PRKN: variants seen among roughly 807,000 people sequenced by gnomAD.
The protein encoded by PRKN is parkin RBR E3 ubiquitin protein ligase.
A neutral mutation model predicts 59.5 loss-of-function variants in PRKN; 56 were observed. The observed-to-expected ratio is 0.94, with a 90% CI of 0.76 to 1.18. PRKN has a LOEUF of 1.18. PRKN is among the 50% of genes most tolerant of loss of function. The pLI is 0.00. For missense variants in PRKN, 657 were observed against 596.4 expected, an observed-to-expected ratio of 1.10 and a Z score of -1.06; for synonymous variants, 250 against 222.1, an observed-to-expected ratio of 1.13 and a Z score of -1.12.
At chr6:162,283,492 TG>T (rs1039916242) in intron 2 of PRKN, among the ~76,000 whole-genome samples, 1 of 152,186 alleles carries the variant, frequency 6.6e-6, no homozygotes, top group Non-Finnish European at 1.5e-5. Flanking sequence ...ATGAGTTTTT[TG>T]TAACTATCTC....
chr6:162,271,820 A>C (rs755304648), intron 2 of PRKN, among the ~76,000 whole-genome samples: 7 of 152,206 alleles, frequency 4.6e-5, no homozygotes, highest in Non-Finnish European at 7.3e-5. Context: ...TTCATTTAAA[A>C]AAAGGGGGAC....
intron 7 of PRKN, among the ~76,000 whole-genome samples, chr6:161,573,712 T>C (rs1158262813): frequency 2.4e-5 from 2 of 81,734 alleles, no homozygotes; most frequent in African/African-American, 4.7e-5. Context: ...AGAGCGAGAC[T>C]CCGTCTCAAA....
intron 6 of PRKN, among the ~76,000 whole-genome samples, chr6:161,833,061 A>C (rs1328382453): frequency 6.6e-6 from 1 of 152,182 alleles, no homozygotes; most frequent in Non-Finnish European, 1.5e-5. Context: ...AAGGTCACAT[A>C]CAATTAGTTC....
chr6:161,555,802 A>T (rs1780215831), intron 8 of PRKN, among the ~76,000 whole-genome samples: 2 of 152,188 alleles, frequency 1.3e-5, no homozygotes, highest in Admixed American at 1.3e-4. Flanking sequence ...TAGTTTGTGG[A>T]CAGTAAATAA....
chr6:161,652,940 A>G (rs1784202856), intron 7 of PRKN, among the ~76,000 whole-genome samples: 2 of 152,224 alleles, frequency 1.3e-5, no homozygotes, highest in African/African-American at 4.8e-5. Flanking sequence ...GATGGCATTA[A>G]ACCCAAACAT....
In PRKN at chr6:161,381,270, G is replaced by C. The variant is rs377697943; in HGVS notation, c.1167+5524C>G. Reference sequence around the variant, plus strand: ...AGTGACCAGTAAGAACAATGGAAGCGCATTTCTGCTTCACTGGGACTGGAG... The same window carrying C: ...AGTGACCAGTAAGAACAATGGAAGCCCATTTCTGCTTCACTGGGACTGGAG... On this transcript the variant is annotated intron_variant, in intron 10 of 11. Transcript: ENST00000366898. Among the ~76,000 whole-genome samples the C allele has an allele frequency of 4.3e-4, 65 of 152,216 alleles. No homozygotes were observed. In the South Asian group the frequency reaches 7.3e-3, roughly 17 times the overall value.
At chr6:162,727,381 A>C in intron 1 of PRKN, 1 of 459,762 alleles carries the variant, frequency 2.2e-6, no homozygotes, top group East Asian at 4.1e-5. Flanking sequence ...GCGAACGAGG[A>C]GCGGGGGTGC....
At chr6:161,780,679 G>T (rs1790165803) in intron 7 of PRKN, among the ~76,000 whole-genome samples, 1 of 151,970 alleles carries the variant, frequency 6.6e-6, no homozygotes, top group African/African-American at 2.4e-5. Context: ...TGAGAAAACG[G>T]CAACACTGAC....
At chr6:161,913,170 G>GAAAAAAAAAAAAAAAAAAA (rs762633376) in intron 6 of PRKN, among the ~76,000 whole-genome samples, 2 of 86,626 alleles carry the variant, frequency 2.3e-5, no homozygotes, top group Non-Finnish European at 4.4e-5. Context: ...TCCATCTCAG[G>GAAAAAAAAAAAAAAAAAAA]AAAAAAAAAA....
In PRKN at chr6:162,065,554, C is replaced by CTT. The variant is rs76912779; in HGVS notation, c.535-11382_535-11381dup. Among the ~76,000 whole-genome samples the CTT allele has an allele frequency of 6.2e-3, 885 of 142,902 alleles. 8 individuals carry two copies. The highest frequency in any genetic ancestry group is 0.021 in the African/African-American group (832 of 39,158). The allele number at this position is 142,902 out of a possible 152,430, so 93.7% of individuals were successfully genotyped here. A position where few individuals can be genotyped will look rare whatever the true frequency, so the allele number is the denominator to read the frequency against. ...GCCTTGAAACAATTCTTTTCTTTTTCTTTTTTTTTTTTGGTCAATTTTTAA... is the reference window on the plus strand; with the variant it reads ...GCCTTGAAACAATTCTTTTCTTTTTCTTTTTTTTTTTTTTGGTCAATTTTTAA... On this transcript the variant is annotated intron_variant, in intron 4 of 11. Coordinates refer to ENST00000366898, the MANE Select transcript of PRKN (RefSeq NM_004562.3).
chr6:162,113,841 G>A (rs1209331149), intron 4 of PRKN, among the ~76,000 whole-genome samples: 3 of 152,076 alleles, frequency 2.0e-5, no homozygotes, highest in African/African-American at 7.2e-5. Flanking sequence ...GGTTTTTATG[G>A]TTTTAGGTCT....
chr6:161,637,018 C>T (rs1171934911), intron 7 of PRKN, among the ~76,000 whole-genome samples: 1 of 152,210 alleles, frequency 6.6e-6, no homozygotes, highest in Non-Finnish European at 1.5e-5. Context: ...AATGTATCAG[C>T]CACTGCAGCT....
chr6:162,197,952 T>A (rs1784559744), intron 4 of PRKN, among the ~76,000 whole-genome samples: 1 of 152,150 alleles, frequency 6.6e-6, no homozygotes, highest in South Asian at 2.1e-4. Flanking sequence ...AGTTATCTGA[T>A]CTTATAACAA....
intron 1 of PRKN, among the ~76,000 whole-genome samples, chr6:162,697,404 A>G (rs1487308474): frequency 6.6e-6 from 1 of 152,228 alleles, no homozygotes; most frequent in Non-Finnish European, 1.5e-5. Flanking sequence ...TGTAGCCTCA[A>G]TAAACACAAA....
At chr6:161,951,081 G>C (rs1779973751) in intron 6 of PRKN, among the ~76,000 whole-genome samples, 1 of 151,328 alleles carries the variant, frequency 6.6e-6, no homozygotes, top group Non-Finnish European at 1.5e-5. Flanking sequence ...AAAGTTTTGG[G>C]GCAATTTCAA....
At chr6:162,531,442 G>A (rs1778510742) in intron 1 of PRKN, among the ~76,000 whole-genome samples, 1 of 152,118 alleles carries the variant, frequency 6.6e-6, no homozygotes, top group South Asian at 2.1e-4. Flanking sequence ...AAGCATTCAG[G>A]GAGCAGAGTG....
intron 2 of PRKN, among the ~76,000 whole-genome samples, chr6:162,416,820 G>A (rs1354429783): frequency 3.3e-5 from 5 of 152,038 alleles, no homozygotes; most frequent in African/African-American, 9.7e-5. Context: ...GAGTAAAGAT[G>A]TACATCCTTA....
In PRKN at chr6:161,409,861, T is replaced by C. The variant is rs568578605; in HGVS notation, c.1084-22984A>G. On this transcript the variant is annotated intron_variant, in intron 9 of 11. Coordinates refer to ENST00000366898, the MANE Select transcript of PRKN (RefSeq NM_004562.3). This position sits in a 1 kb window ranked among gnomAD's most constrained non-coding sequence, Gnocchi z 4.6. ...CAGATCAATAGAACTGTGATGTATC[T>C]ATATAAATCTGAGTAGCAGATCCAT... Among the ~76,000 whole-genome samples the C allele has an allele frequency of 6.6e-6, 1 of 152,326 alleles. No individual in the cohort carries two copies. Among genetic ancestry groups the C allele is most frequent in the Admixed American group, 6.5e-5 (1 of 15,298 alleles).
intron 7 of PRKN, among the ~76,000 whole-genome samples, chr6:161,601,559 A>G (rs534107074): frequency 6.6e-6 from 1 of 152,030 alleles, no homozygotes; most frequent in Non-Finnish European, 1.5e-5. Flanking sequence ...TTTGATGGAA[A>G]TGTATAGAAA....
Sources: allele counts gnomAD v4.1 joint callset (sites outside exome capture counted in the v4.1 genomes callset), GRCh38; gene constraint gnomAD v4.1.1; non-coding constraint Gnocchi (gnomAD v3.1); transcripts MANE v1.5; gene names NCBI Gene and HGNC (gene_info 2026-07-23, HGNC 2026-07-21).